The following MON1A variants were observed in gnomAD, a reference collection of about 807,000 sequenced individuals.
MON1A encodes MON1 vesicular trafficking associated A.
In MON1A, 29 loss-of-function variants were observed where a neutral mutation model predicts 44.6. That is an observed-to-expected ratio of 0.65 (90% confidence interval 0.48 to 0.89). MON1A has a LOEUF of 0.89. Ranked by LOEUF, MON1A falls within the 40% of genes least tolerant of loss-of-function variation. The pLI, the probability that MON1A is intolerant of heterozygous loss-of-function variation, is 0.00. For synonymous variants in MON1A, 275 were observed against 316.4 expected, an observed-to-expected ratio of 0.87 and a Z score of 1.39; for missense variants, 615 against 759.6, an observed-to-expected ratio of 0.81 and a Z score of 2.24.
Position 49,912,525 on chromosome 3 carries a change from C to T in MON1A, c.128-514G>A, listed in dbSNP as rs78883832. On this transcript the variant is annotated intron_variant, in intron 2 of 5. Coordinates refer to ENST00000296473, the MANE Select transcript of MON1A (RefSeq NM_032355.4). Reference sequence around the variant, plus strand: ...CACTTGCCAGTTATTGTCCTTCTCCCCAACTACAATGGTACCCAGTAAGGT... The same window carrying T: ...CACTTGCCAGTTATTGTCCTTCTCCTCAACTACAATGGTACCCAGTAAGGT... The T allele has an allele frequency of 2.5e-3, 408 of 162,788 alleles. 1 individual carries two copies. The highest frequency in any genetic ancestry group is 9.4e-3 in the African/African-American group (392 of 41,718). The allele number at this position is 162,788 out of a possible 1,614,324, so 10.1% of individuals were successfully genotyped here.
chr3:49,911,822 C>G lies in MON1A; in HGVS notation c.317G>C (p.Arg106Pro), dbSNP rs141399176. The change falls in exon 3 of 6, where the codon CGG (arginine) becomes CCG (proline). Residue 106 changes from arginine (R) to proline (P), a missense_variant. Arg to Pro is a moderately radical substitution (Grantham distance 103). Transcript: ENST00000296473. The surrounding 1 kb of genome is among the most constrained non-coding windows in gnomAD (Gnocchi z 5.7). The part of the protein sequence containing the change: ...ELSTQLTGVA[R>P]DLQEEMLPGS... ...TGGCAGCATCTCCTCCTGCAGGTCCCGGGCCACACCCGTCAGCTGGGTGCT... is the reference window on the plus strand; with the variant it reads ...TGGCAGCATCTCCTCCTGCAGGTCCGGGGCCACACCCGTCAGCTGGGTGCT... 3.1e-6 allele frequency: 5 copies of G among 1,613,920 alleles called. No individual in the cohort carries two copies. Among genetic ancestry groups the G allele is most frequent in the East Asian group, 2.2e-5 (1 of 44,894 alleles).
rs1046872192 is a variant in MON1A at position 49,909,623 on chromosome 3, A to G, written c.1380-223T>C. The G allele has an allele frequency of 8.6e-6, 5 of 582,254 alleles. No homozygotes were observed. Among genetic ancestry groups the G allele is most frequent in the African/African-American group, 1.9e-5 (1 of 53,686 alleles). The allele number at this position is 582,254 out of a possible 1,614,324, so 36.1% of individuals were successfully genotyped here. ...ATGTCCCCTCTTACCCCCTAAGCTC[A>G]TAGTGTCTTTGGTGACCCCTCTTTG... On this transcript the variant is annotated intron_variant, in intron 4 of 5. Coordinates refer to ENST00000296473, the MANE Select transcript of MON1A (RefSeq NM_032355.4). This position sits in a 1 kb window ranked among gnomAD's most constrained non-coding sequence, Gnocchi z 4.0.
chr3:49,918,944 G>A (rs1203126888), intron 1 of MON1A, among the ~76,000 whole-genome samples: 2 of 152,162 alleles, frequency 1.3e-5, no homozygotes, highest in African/African-American at 4.8e-5. Context: ...TACTTTGGGA[G>A]GCCTAGGTGG....
In MON1A at chr3:49,910,604, C is replaced by G. The variant is rs1348302479; in HGVS notation, c.894G>C (p.Leu298=). The change falls in exon 4 of 6, where the codon CTG becomes CTC. Residue 298 remains leucine (L), a synonymous_variant. Coordinates refer to ENST00000296473, the MANE Select transcript of MON1A (RefSeq NM_032355.4). The surrounding 1 kb of genome is among the most constrained non-coding windows in gnomAD (Gnocchi z 8.0). Reference sequence around the variant, plus strand: ...TCACAGTGTCGCGCACGGCCGCCGCCAGGGGCAGGCACCGTGCCGCCCCCA... The same window carrying G: ...TCACAGTGTCGCGCACGGCCGCCGCGAGGGGCAGGCACCGTGCCGCCCCCA... ...FLMGAARCLP[L]AAAVRDTVSA... 6.2e-7 allele frequency: 1 copy of G among 1,603,702 alleles called. No individual in the cohort carries two copies. Among genetic ancestry groups the G allele is most frequent in the Non-Finnish European group, 8.5e-7 (1 of 1,174,600 alleles).
At chr3:49,912,977 G>C (rs2082903987) in intron 2 of MON1A, 1 of 638,900 alleles carries the variant, frequency 1.6e-6, no homozygotes, top group Admixed American at 2.2e-5. Context: ...GTAGACACAG[G>C]GAACAGAAGA....
At position 49,909,006 on chromosome 3, in the gene MON1A, C is replaced by G. The variant is rs1419063679; in HGVS notation, c.*8G>C. On this transcript the variant is annotated 3_prime_UTR_variant, in exon 6 of 6. Coordinates refer to ENST00000296473, the MANE Select transcript of MON1A (RefSeq NM_032355.4). The surrounding 1 kb of genome is among the most constrained non-coding windows in gnomAD (Gnocchi z 4.0). Reference sequence around the variant, plus strand: ...TGTCCAGGAAGGCTGAGCCCGCACACATTCCCATCAATAGGTGAGGGGCGT... The same window carrying G: ...TGTCCAGGAAGGCTGAGCCCGCACAGATTCCCATCAATAGGTGAGGGGCGT... 6.2e-7 allele frequency: 1 copy of G among 1,609,430 alleles called. No homozygotes were observed. The highest frequency in any genetic ancestry group is 2.2e-5 in the East Asian group (1 of 44,776).
chr3:49,917,989 G>A (rs1446535550), intron 1 of MON1A, among the ~76,000 whole-genome samples: 6 of 151,750 alleles, frequency 4.0e-5, no homozygotes, highest in African/African-American at 1.5e-4. Flanking sequence ...CGGAAGTTGT[G>A]GTGAGCCGAG....
chr3:49,918,755 T>C (rs2082970446), intron 1 of MON1A, among the ~76,000 whole-genome samples: 1 of 152,120 alleles, frequency 6.6e-6, no homozygotes. Context: ...CCATAGAGGC[T>C]AACTCCTCCA....
intron 1 of MON1A, 99 bp from the exon 2 acceptor site, chr3:49,913,458 C>CTAGATAG: frequency 8.8e-7 from 1 of 1,136,568 alleles, no homozygotes. Context: ...TATCAGGACT[C>CTAGATAG]CACTAACTCA....
chr3:49,910,943 G>T lies in MON1A; in HGVS notation c.614-59C>A. ...TCAGCGGCAGCTCCCTCCGAAAACC[G>T]CCTTCCAGCGCAGCTCTTCGCTTTC... On this transcript the variant is annotated intron_variant, in intron 3 of 5. Transcript: ENST00000296473. The surrounding 1 kb of genome is among the most constrained non-coding windows in gnomAD (Gnocchi z 8.0). The T allele has an allele frequency of 6.7e-7, 1 of 1,490,154 alleles. No homozygotes were observed. Among genetic ancestry groups the T allele is most frequent in the Non-Finnish European group, 9.1e-7 (1 of 1,103,042 alleles). 92.3% of individuals were successfully genotyped at this position (1,490,154 alleles called of 1,614,324 possible).
At position 49,910,920 on chromosome 3, in the gene MON1A, A is replaced by G. The variant is rs777950697; in HGVS notation, c.614-36T>C. ...GACAGGAAAGAAGGATGTCAGCCTCAGCGGCAGCTCCCTCCGAAAACCGCC... is the reference window on the plus strand; with the variant it reads ...GACAGGAAAGAAGGATGTCAGCCTCGGCGGCAGCTCCCTCCGAAAACCGCC... On this transcript the variant is annotated intron_variant, in intron 3 of 5. Coordinates refer to ENST00000296473, the MANE Select transcript of MON1A (RefSeq NM_032355.4). The surrounding 1 kb of genome is among the most constrained non-coding windows in gnomAD (Gnocchi z 8.0). 4 of 1,552,604 alleles carry G rather than the reference A, an allele frequency of 2.6e-6. No homozygotes were observed. Among genetic ancestry groups the G allele is most frequent in the Admixed American group, 3.9e-5 (2 of 51,418 alleles).
chr3:49,910,622 C>G lies in MON1A; in HGVS notation c.876G>C (p.Ala292=). The change falls in exon 4 of 6, where the codon GCG becomes GCC. Residue 292 remains alanine, a synonymous_variant. Coordinates refer to ENST00000296473, the MANE Select transcript of MON1A (RefSeq NM_032355.4). The surrounding 1 kb of genome is among the most constrained non-coding windows in gnomAD (Gnocchi z 8.0). ...CCGCCGCCAGGGGCAGGCACCGTGC[C>G]GCCCCCATCAGGAAGCTGGGGTCTC... ...MARDPSFLMG[A]ARCLPLAAAV... is the part of the protein sequence containing the mutation. The G allele has an allele frequency of 6.2e-7, 1 of 1,602,340 alleles. No homozygotes were observed. The highest frequency in any genetic ancestry group is 8.5e-7 in the Non-Finnish European group (1 of 1,173,362).
chr3:49,923,375 AAGGGGAAGG>A (rs1423885251), intron 1 of MON1A, among the ~76,000 whole-genome samples: 2 of 145,280 alleles, frequency 1.4e-5, no homozygotes, highest in African/African-American at 5.1e-5. Flanking sequence ...GGAAGGAAGG[AAGGGGAAGG>A]AGGGGAAGGA....
intron 1 of MON1A, chr3:49,920,696 G>C (rs2082988366): frequency 6.6e-6 from 1 of 152,024 alleles, no homozygotes. Context: ...AAATTAGCTG[G>C]GTGTGGTGGC....
chr3:49,928,207 C>T (rs2083066455), intron 1 of MON1A, among the ~76,000 whole-genome samples: 1 of 152,200 alleles, frequency 6.6e-6, no homozygotes, highest in Non-Finnish European at 1.5e-5. Context: ...AGTATCTCAG[C>T]ATCTCCTAGG....
At chr3:49,913,444 C>G in intron 1 of MON1A, 85 bp from the exon 2 acceptor site, 1 of 1,369,904 alleles carries the variant, frequency 7.3e-7, no homozygotes, top group Admixed American at 2.3e-5. Flanking sequence ...AGGAAAGTGT[C>G]CTTTATCAGG....
chr3:49,909,634 G>A lies in MON1A; in HGVS notation c.1380-234C>T. ...TACCCCCTAAGCTCATAGTGTCTTT[G>A]GTGACCCCTCTTTGGAGAGGCCAGG... On this transcript the variant is annotated intron_variant, in intron 4 of 5. Coordinates refer to ENST00000296473, the MANE Select transcript of MON1A (RefSeq NM_032355.4). The surrounding 1 kb of genome is among the most constrained non-coding windows in gnomAD (Gnocchi z 4.0). 1.8e-6 allele frequency: 1 copy of A among 550,324 alleles called. No homozygotes were observed. Among genetic ancestry groups the A allele is most frequent in the Non-Finnish European group, 3.2e-6 (1 of 313,938 alleles). 34.1% of individuals were successfully genotyped at this position (550,324 alleles called of 1,614,324 possible). A position where few individuals can be genotyped will look rare whatever the true frequency, so the allele number is the denominator to read the frequency against.
chr3:49,927,629 C>A (rs2083061610), intron 1 of MON1A, among the ~76,000 whole-genome samples: 1 of 152,186 alleles, frequency 6.6e-6, no homozygotes, highest in African/African-American at 2.4e-5. Context: ...GGTCAAAGAG[C>A]TGTCTTATAG....
In MON1A at chr3:49,911,869, G is replaced by C. The variant is rs773841227; in HGVS notation, c.270C>G (p.Ile90Met). 2.5e-6 allele frequency: 4 copies of C among 1,614,124 alleles called. No individual in the cohort carries two copies. The highest frequency in any genetic ancestry group is 1.7e-6 in the Non-Finnish European group (2 of 1,180,012). The part of the protein sequence containing the change: ...PPPLPTDMRQ[I>M]SQDFSELSTQ... ...TGCTTAGCTCGCTAAAGTCCTGGCT[G>C]ATCTGGCGCATGTCTGTAGGCAGCG... The change falls in exon 3 of 6, where the codon ATC becomes ATG. Residue 90 changes from isoleucine (I) to methionine (M), a missense_variant. Ile to Met is a conservative substitution (Grantham distance 10). Transcript: ENST00000296473. This position sits in a 1 kb window ranked among gnomAD's most constrained non-coding sequence, Gnocchi z 5.7.
Sources: gnomAD v4.1 joint callset for allele counts (sites outside exome capture counted in the v4.1 genomes callset) on GRCh38, gnomAD v4.1.1 for gene constraint, Gnocchi (gnomAD v3.1) non-coding constraint, MANE v1.5 for transcripts, NCBI Gene and HGNC (gene_info 2026-07-23, HGNC 2026-07-21) for gene names.